MYO5A: variants seen among roughly 807,000 people sequenced by gnomAD.
MYO5A encodes unconventional myosin-Va.
A neutral mutation model predicts 249.7 loss-of-function variants in MYO5A; 98 were observed. The observed-to-expected ratio is 0.39, with a 90% CI of 0.33 to 0.46. MYO5A has a LOEUF of 0.46. Among genes scored for constraint, MYO5A ranks in the 20% least tolerant of loss-of-function variants. The probability of loss-of-function intolerance (pLI) is 0.98; values close to 1 mark genes in which losing one functional copy is unlikely to be tolerated. For missense variants in MYO5A, 1,696 were observed against 2,308.8 expected, an observed-to-expected ratio of 0.73 and a Z score of 5.44; for synonymous variants, 778 against 810.6, an observed-to-expected ratio of 0.96 and a Z score of 0.68.
chr15:52,313,575 T>TCTC lies in MYO5A; in HGVS notation c.*118_*120dup. ...CTAGGGAGATTTCCAGTTAATGACT[T>TCTC]CTCATTTGGGAGATAATCAGTACTT... On this transcript the variant is annotated 3_prime_UTR_variant, in exon 42 of 42. Transcript: ENST00000399233. 8.0e-7 allele frequency: 1 copy of TCTC among 1,256,678 alleles called. No homozygotes were observed. Among genetic ancestry groups the TCTC allele is most frequent in the Non-Finnish European group, 1.1e-6 (1 of 880,402 alleles). The allele number at this position is 1,256,678 out of a possible 1,614,324, so 77.8% of individuals were successfully genotyped here. A position where few individuals can be genotyped will look rare whatever the true frequency, so the allele number is the denominator to read the frequency against.
intron 1 of MYO5A, among the ~76,000 whole-genome samples, chr15:52,519,337 G>C (rs1485769258): frequency 6.6e-6 from 1 of 152,170 alleles, no homozygotes; most frequent in Non-Finnish European, 1.5e-5. Context: ...TAATGGCCGG[G>C]CATGGTAGCT....
chr15:52,441,305 C>T (rs1192882697), intron 1 of MYO5A, among the ~76,000 whole-genome samples: 2 of 151,976 alleles, frequency 1.3e-5, no homozygotes, highest in Non-Finnish European at 2.9e-5. Flanking sequence ...ATATGTCATA[C>T]AAGAGGATGT....
chr15:52,345,376 G>A (rs1047977657), intron 30 of MYO5A, among the ~76,000 whole-genome samples: 2 of 152,110 alleles, frequency 1.3e-5, no homozygotes, highest in African/African-American at 4.8e-5. Context: ...GAGGCCTGGA[G>A]CTCGGGACGA....
chr15:52,315,202 T>G (rs936987553), intron 40 of MYO5A, among the ~76,000 whole-genome samples: 2 of 152,248 alleles, frequency 1.3e-5, no homozygotes, highest in African/African-American at 4.8e-5. Flanking sequence ...TCTTTAGAAG[T>G]TGAATGGCAG....
intron 9 of MYO5A, among the ~76,000 whole-genome samples, chr15:52,400,172 T>G (rs944108892): frequency 6.6e-6 from 1 of 152,220 alleles, no homozygotes; most frequent in Non-Finnish European, 1.5e-5. Flanking sequence ...TTTGATTTTT[T>G]TCAATCCATT....
At position 52,432,186 on chromosome 15, in the gene MYO5A, G is replaced by A. The variant is rs375753310; in HGVS notation, c.138+989C>T. 9.2e-5 allele frequency among the ~76,000 whole-genome samples: 14 copies of A among 152,346 alleles called. No homozygotes were observed. The East Asian group carries it at 1.2e-3, about 13-fold the overall frequency. ...CCTATAGAAGAATTCTAGTTAATAA[G>A]TATAGAAGGAAGGAAAGAAATGGAG... On this transcript the variant is annotated intron_variant, in intron 2 of 41. Coordinates refer to ENST00000399233, the MANE Select transcript of MYO5A (RefSeq NM_001382347.1).
chr15:52,472,458 A>G (rs1327486021), intron 1 of MYO5A, among the ~76,000 whole-genome samples: 1 of 151,994 alleles, frequency 6.6e-6, no homozygotes, highest in South Asian at 2.1e-4. Context: ...GGTTTGTTAC[A>G]TATGTATACA....
At chr15:52,387,734 A>G in intron 14 of MYO5A, 95 bp downstream of exon 14, 2 of 990,774 alleles carry the variant, frequency 2.0e-6, no homozygotes, top group Non-Finnish European at 3.1e-6. Context: ...TAAATTAAAA[A>G]CTGAAACAGA....
chr15:52,382,198 G>A (rs953395177), intron 16 of MYO5A, among the ~76,000 whole-genome samples: 9 of 152,154 alleles, frequency 5.9e-5, no homozygotes, highest in African/African-American at 1.9e-4. Context: ...CACTGCACCC[G>A]GCTGACGGAT....
At chr15:52,423,215 G>C (rs548459863) in intron 4 of MYO5A, among the ~76,000 whole-genome samples, 12 of 152,268 alleles carry the variant, frequency 7.9e-5, no homozygotes, top group African/African-American at 2.6e-4. Context: ...TGAAACACCA[G>C]GATTTGCATC....
chr15:52,394,824 A>G (rs2042414000), intron 11 of MYO5A, among the ~76,000 whole-genome samples: 1 of 152,230 alleles, frequency 6.6e-6, no homozygotes, highest in African/African-American at 2.4e-5. Flanking sequence ...AAACTCAGGA[A>G]CACCTTGAGA....
At position 52,375,268 on chromosome 15, in the gene MYO5A, T is replaced by C. The variant is rs80224957; in HGVS notation, c.2577+36A>G. 1.2e-4 allele frequency: 191 copies of C among 1,610,224 alleles called. 1 individual carries two copies. Among genetic ancestry groups the C allele is most frequent in the Non-Finnish European group, 1.6e-4 (183 of 1,176,618 alleles). ...AGATGTGAAATTTGGTTAATGCTAA[T>C]AGAATGAATAAACAAAGTTGAAAAT... On this transcript the variant is annotated intron_variant, in intron 20 of 41. Coordinates refer to ENST00000399233, the MANE Select transcript of MYO5A (RefSeq NM_001382347.1).
At chr15:52,351,783 G>C (rs1204201549) in intron 27 of MYO5A, among the ~76,000 whole-genome samples, 2 of 152,188 alleles carry the variant, frequency 1.3e-5, no homozygotes, top group Non-Finnish European at 2.9e-5. Flanking sequence ...AGTCCCAAGG[G>C]GTGAGTTTAG....
intron 1 of MYO5A, among the ~76,000 whole-genome samples, chr15:52,475,302 C>T (rs1595752611): frequency 2.0e-5 from 3 of 152,202 alleles, no homozygotes; most frequent in Admixed American, 6.5e-5. Flanking sequence ...GTCTTGCTAG[C>T]AGTCTATCAA....
chr15:52,499,352 C>T (rs1693497), intron 1 of MYO5A, among the ~76,000 whole-genome samples: 119,006 of 152,160 alleles, frequency 0.78, 47,069 homozygotes, highest in South Asian at 0.85. Flanking sequence ...ATATTTACAA[C>T]CTTTATCATT....
In MYO5A at chr15:52,391,910, C is replaced by A. The variant is rs550729972; in HGVS notation, c.1542+20G>T. ...TACATCTATTTTGATAAACCAAGTA[C>A]CCCAGGAAATCATACTTACCTTGCA... On this transcript the variant is annotated intron_variant, in intron 12 of 41. Coordinates refer to ENST00000399233, the MANE Select transcript of MYO5A (RefSeq NM_001382347.1). 6.2e-7 allele frequency: 1 copy of A among 1,609,822 alleles called. No homozygotes were observed. Among genetic ancestry groups the A allele is most frequent in the Non-Finnish European group, 8.5e-7 (1 of 1,177,422 alleles).
chr15:52,332,506 A>G (rs2038937510), intron 34 of MYO5A, among the ~76,000 whole-genome samples: 1 of 152,210 alleles, frequency 6.6e-6, no homozygotes, highest in South Asian at 2.1e-4. Context: ...TATTTTTGGT[A>G]CTGTATAAAA....
At chr15:52,455,581 A>G (rs1379632782) in intron 1 of MYO5A, among the ~76,000 whole-genome samples, 3 of 152,144 alleles carry the variant, frequency 2.0e-5, no homozygotes, top group African/African-American at 7.2e-5. Flanking sequence ...AGCCCAACTG[A>G]ATTCAACAAC....
chr15:52,319,421 C>T, intron 38 of MYO5A, 79 bp from the exon 39 acceptor site: 1 of 1,466,654 alleles, frequency 6.8e-7, no homozygotes, highest in Non-Finnish European at 9.5e-7. Flanking sequence ...TGCACAAACA[C>T]ATGCACATTC....
Sources: gnomAD v4.1 joint callset for allele counts (sites outside exome capture counted in the v4.1 genomes callset) on GRCh38, gnomAD v4.1.1 for gene constraint, MANE v1.5 for transcripts, NCBI Gene and HGNC (gene_info 2026-07-23, HGNC 2026-07-21) for gene names.